The following KCNJ6 variants were observed in gnomAD, a reference collection of about 807,000 sequenced individuals.
The protein encoded by KCNJ6 is G protein-activated inward rectifier potassium channel 2.
KCNJ6 carries 9 observed loss-of-function variants against 34.2 expected under a neutral mutation model. That is an observed-to-expected ratio of 0.26 (90% confidence interval 0.16 to 0.46). The LOEUF (loss-of-function observed/expected upper bound fraction) is 0.46. KCNJ6 is among the 20% of genes least tolerant of loss of function. KCNJ6 has a pLI of 1.00. For synonymous variants in KCNJ6, 196 were observed against 207.1 expected, an observed-to-expected ratio of 0.95 and a Z score of 0.46; for missense variants, 236 against 531.3, an observed-to-expected ratio of 0.44 and a Z score of 5.46.
Position 37,714,348 on chromosome 21 carries a change from C to T in KCNJ6, c.809G>A (p.Arg270His), listed in dbSNP as rs2054778867. The T allele has an allele frequency of 1.2e-6, 2 of 1,613,988 alleles. No homozygotes were observed. The highest frequency in any genetic ancestry group is 1.3e-5 in the African/African-American group (1 of 74,914). Residue 270 changes from arginine (R) to histidine (H), a missense_variant, in exon 3 of 4, where the codon CGT becomes CAT. By Grantham distance (29) the Arg-to-His change is conservative. This residue lies in a region of KCNJ6 where 60 missense variants were observed against 207.3 expected (regional missense o/e 0.29). Transcript: ENST00000609713. This position sits in a 1 kb window ranked among gnomAD's most constrained non-coding sequence, Gnocchi z 5.9. The stretch of plus-strand genomic sequence containing the variant: ...GATCAGCGGTGACACCAGAAACAGA[C>T]GGTCATCCCCCGTGTAATACCCTAC... The part of the protein sequence containing the change: ...INVGYYTGDD[R>H]LFLVSPLIIS...
intron 2 of KCNJ6, among the ~76,000 whole-genome samples, chr21:37,736,255 T>G (rs895991436): frequency 6.6e-6 from 1 of 152,092 alleles, no homozygotes; most frequent in African/African-American, 2.4e-5. Context: ...TCAGGGTTCT[T>G]TTGTGGCTTA....
chr21:37,790,340 G>C (rs1482889382), intron 2 of KCNJ6, among the ~76,000 whole-genome samples: 3 of 152,116 alleles, frequency 2.0e-5, no homozygotes, highest in Non-Finnish European at 4.4e-5. Flanking sequence ...AGGCAGTAGG[G>C]GGGCATCTGT....
chr21:37,843,422 CA>C (rs1255889886), intron 1 of KCNJ6, among the ~76,000 whole-genome samples: 1 of 152,118 alleles, frequency 6.6e-6, no homozygotes, highest in Non-Finnish European at 1.5e-5. Context: ...GAAATCATGA[CA>C]TATGTTTTGG....
chr21:37,788,723 A>G (rs1275915470), intron 2 of KCNJ6, among the ~76,000 whole-genome samples: 1 of 152,202 alleles, frequency 6.6e-6, no homozygotes, highest in Non-Finnish European at 1.5e-5. Context: ...ATGAGAGACC[A>G]CGTGGAGCAG....
chr21:37,794,465 A>G (rs1443511990), intron 2 of KCNJ6, among the ~76,000 whole-genome samples: 1 of 152,232 alleles, frequency 6.6e-6, no homozygotes, highest in African/African-American at 2.4e-5. Context: ...AAGTGCTTAA[A>G]CCAAAGACTG....
intron 2 of KCNJ6, among the ~76,000 whole-genome samples, chr21:37,812,884 T>G (rs1447184941): frequency 6.6e-6 from 1 of 152,218 alleles, no homozygotes; most frequent in Non-Finnish European, 1.5e-5. Flanking sequence ...TCACCAATTT[T>G]ATTCTACATA....
At chr21:37,882,477 C>T (rs2055714069) in intron 1 of KCNJ6, among the ~76,000 whole-genome samples, 1 of 152,230 alleles carries the variant, frequency 6.6e-6, no homozygotes, top group Non-Finnish European at 1.5e-5. Context: ...CTCTTCAATG[C>T]TCCTTTATGT....
In KCNJ6 at chr21:37,699,117, G is replaced by A. The variant is rs114279021; in HGVS notation, c.946+15094C>T. On this transcript the variant is annotated intron_variant, in intron 3 of 3. Transcript: ENST00000609713. ...TATGGCAGAGTTGAGCTGTTGTGAC[G>A]GAGACTATCCACAAACCCTGAAATA... Among the ~76,000 whole-genome samples the A allele has an allele frequency of 3.2e-3, 494 of 152,252 alleles. 6 individuals carry two copies. The highest frequency in any genetic ancestry group is 0.011 in the African/African-American group (464 of 41,546).
chr21:37,811,431 G>C (rs143826722), intron 2 of KCNJ6, among the ~76,000 whole-genome samples: 71 of 152,226 alleles, frequency 4.7e-4, no homozygotes, highest in Non-Finnish European at 9.3e-4. Context: ...TCAAAAGTGG[G>C]GGCAGTCTTG....
At chr21:37,772,221 C>G (rs2055120946) in intron 2 of KCNJ6, among the ~76,000 whole-genome samples, 4 of 152,058 alleles carry the variant, frequency 2.6e-5, no homozygotes, top group Admixed American at 2.6e-4. Flanking sequence ...TATTCATGTC[C>G]TAATCTCAAA....
chr21:37,778,142 T>A (rs1353391773), intron 2 of KCNJ6, among the ~76,000 whole-genome samples: 1 of 152,120 alleles, frequency 6.6e-6, no homozygotes, highest in Non-Finnish European at 1.5e-5. Context: ...TATAGCAGAG[T>A]TTTTTATTTG....
chr21:37,773,151 T>C (rs1016900503), intron 2 of KCNJ6, among the ~76,000 whole-genome samples: 26 of 152,174 alleles, frequency 1.7e-4, no homozygotes, highest in African/African-American at 6.3e-4. Context: ...ATGATCCTTT[T>C]CCACTGTTTT....
At chr21:37,628,547 G>C (rs2054320615) in intron 3 of KCNJ6, among the ~76,000 whole-genome samples, 1 of 152,176 alleles carries the variant, frequency 6.6e-6, no homozygotes, top group East Asian at 1.9e-4. Context: ...CTGTGGGACA[G>C]AGCAAGCATA....
At chr21:37,722,636 A>G (rs1347948970) in intron 2 of KCNJ6, among the ~76,000 whole-genome samples, 1 of 152,156 alleles carries the variant, frequency 6.6e-6, no homozygotes, top group Non-Finnish European at 1.5e-5. Context: ...AAAGCCACAT[A>G]CCTATAGCCA....
intron 2 of KCNJ6, among the ~76,000 whole-genome samples, chr21:37,751,412 G>A (rs749597180): frequency 6.6e-6 from 1 of 152,228 alleles, no homozygotes; most frequent in Non-Finnish European, 1.5e-5. Context: ...ACTGGGACCA[G>A]GGAGAGCAAA....
At chr21:37,731,486 G>C (rs1275837002) in intron 2 of KCNJ6, among the ~76,000 whole-genome samples, 1 of 152,136 alleles carries the variant, frequency 6.6e-6, no homozygotes, top group Non-Finnish European at 1.5e-5. Context: ...TGCCGGCATT[G>C]AGCTTTGTAG....
intron 3 of KCNJ6, among the ~76,000 whole-genome samples, chr21:37,694,952 C>A (rs2054657640): frequency 4.6e-5 from 7 of 152,206 alleles, no homozygotes; most frequent in Admixed American, 4.6e-4. Context: ...GGAACCCAAG[C>A]TACCTCTATC....
intron 1 of KCNJ6, among the ~76,000 whole-genome samples, chr21:37,871,776 G>T (rs1427360184): frequency 6.6e-5 from 10 of 152,142 alleles, no homozygotes; most frequent in Non-Finnish European, 1.5e-5. Context: ...ACAGAAGTTT[G>T]GTATTGTGGT....
intron 1 of KCNJ6, among the ~76,000 whole-genome samples, chr21:37,909,744 C>G (rs1280233537): frequency 6.6e-6 from 1 of 152,090 alleles, no homozygotes; most frequent in Non-Finnish European, 1.5e-5. Context: ...TATTATTACT[C>G]TTATTGTTAT....
Sources: gnomAD v4.1 joint callset for allele counts (sites outside exome capture counted in the v4.1 genomes callset) on GRCh38, gnomAD v4.1.1 for gene constraint, gnomAD v4.1.1 regional missense constraint, Gnocchi (gnomAD v3.1) non-coding constraint, MANE v1.5 for transcripts, NCBI Gene and HGNC (gene_info 2026-07-23, HGNC 2026-07-21) for gene names.